Variants in CSTPP1 observed in about 807,000 individuals in gnomAD.
The protein encoded by CSTPP1 is centriolar satellite-associated tubulin polyglutamylase complex regulator 1.
chr11:46,975,800 T>G, the CSTPP1 span, among the ~76,000 whole-genome samples: 1 of 152,224 alleles, frequency 6.6e-6, no homozygotes, highest in Non-Finnish European at 1.5e-5. Flanking sequence ...TTCAACTTCT[T>G]AAGTTTTTAT....
chr11:47,138,474 G>C, the CSTPP1 span, among the ~76,000 whole-genome samples: 1 of 152,152 alleles, frequency 6.6e-6, no homozygotes, highest in East Asian at 1.9e-4. Context: ...GGGACTGGAA[G>C]GGCATAAAGG....
At chr11:46,991,035 A>T in the CSTPP1 span, among the ~76,000 whole-genome samples, 1 of 152,096 alleles carries the variant, frequency 6.6e-6, no homozygotes, top group Non-Finnish European at 1.5e-5. Context: ...TCATGAAAGG[A>T]TGTGCTAGAG....
the CSTPP1 span, among the ~76,000 whole-genome samples, chr11:47,144,341 A>G: frequency 3.3e-5 from 5 of 152,166 alleles, no homozygotes; most frequent in African/African-American, 9.6e-5. Flanking sequence ...GATGCCCGCC[A>G]CCACGCCTTG....
At chr11:47,164,384 A>T in the CSTPP1 span, 1 of 1,069,406 alleles carries the variant, frequency 9.4e-7, no homozygotes, top group Non-Finnish European at 1.3e-6. Flanking sequence ...TCCAGAAAGA[A>T]AGTCAAGTCC....
the CSTPP1 span, among the ~76,000 whole-genome samples, chr11:47,108,273 C>T: frequency 1.3e-5 from 2 of 152,254 alleles, no homozygotes; most frequent in African/African-American, 4.8e-5. Context: ...CAGGGAGGTA[C>T]ACCTTGGAGC....
At chr11:47,119,131 C>A in the CSTPP1 span, among the ~76,000 whole-genome samples, 2 of 152,364 alleles carry the variant, frequency 1.3e-5, no homozygotes, top group South Asian at 2.1e-4. Flanking sequence ...GCTTCCCAGC[C>A]GCTCTGTTTA....
the CSTPP1 span, among the ~76,000 whole-genome samples, chr11:46,989,676 C>A: frequency 6.6e-6 from 1 of 151,306 alleles, no homozygotes; most frequent in Non-Finnish European, 1.5e-5. Flanking sequence ...CATTAATATT[C>A]TTTTTCTTCC....
At chr11:47,099,158 T>C in the CSTPP1 span, among the ~76,000 whole-genome samples, 1 of 152,228 alleles carries the variant, frequency 6.6e-6, no homozygotes, top group Non-Finnish European at 1.5e-5. Context: ...ACAAATCTGC[T>C]TTGTAACTTT....
the CSTPP1 span, among the ~76,000 whole-genome samples, chr11:47,079,109 T>C: frequency 6.6e-6 from 1 of 152,170 alleles, no homozygotes; most frequent in Non-Finnish European, 1.5e-5. Context: ...GAAGGTTTTC[T>C]TGTGGGACAC....
At chr11:47,157,119 G>T in the CSTPP1 span, 5 of 1,614,076 alleles carry the variant, frequency 3.1e-6, no homozygotes, top group South Asian at 4.4e-5. Flanking sequence ...GGGCAGCACC[G>T]CCAACGACCT....
the CSTPP1 span, among the ~76,000 whole-genome samples, chr11:47,102,576 A>C: frequency 2.6e-5 from 4 of 152,118 alleles, no homozygotes; most frequent in African/African-American, 9.7e-5. Flanking sequence ...TTTCATGGGG[A>C]GTGGACAAAT....
At chr11:47,058,166 T>G in the CSTPP1 span, among the ~76,000 whole-genome samples, 1 of 152,014 alleles carries the variant, frequency 6.6e-6, no homozygotes, top group Non-Finnish European at 1.5e-5. Context: ...AAACCCTGTC[T>G]CTACAAAAAA....
chr11:47,066,623 G>C, the CSTPP1 span, among the ~76,000 whole-genome samples: 1 of 152,196 alleles, frequency 6.6e-6, no homozygotes, highest in Non-Finnish European at 1.5e-5. Context: ...TTATAAAGTA[G>C]ATGATAATCA....
chr11:46,969,014 A>C, the CSTPP1 span, among the ~76,000 whole-genome samples: 78 of 152,212 alleles, frequency 5.1e-4, no homozygotes, highest in African/African-American at 1.7e-3. Flanking sequence ...CACTGTTCTT[A>C]GGCCTCTAGA....
the CSTPP1 span, among the ~76,000 whole-genome samples, chr11:46,980,238 A>G: frequency 6.6e-6 from 1 of 152,180 alleles, no homozygotes; most frequent in African/African-American, 2.4e-5. Flanking sequence ...TTAGTTTTTC[A>G]TCCTCTACTT....
chr11:47,145,623 A>T, the CSTPP1 span, among the ~76,000 whole-genome samples: 1 of 152,082 alleles, frequency 6.6e-6, no homozygotes, highest in East Asian at 1.9e-4. Context: ...CCCAAAAAAA[A>T]TTATTTAAAA....
the CSTPP1 span, chr11:47,137,384 A>C: frequency 1.3e-6 from 2 of 1,488,314 alleles, no homozygotes; most frequent in Non-Finnish European, 1.8e-6. Context: ...TGCTCTCTTC[A>C]CCCGACCAAT....
chr11:46,954,707 A>G, the CSTPP1 span, among the ~76,000 whole-genome samples: 1 of 152,034 alleles, frequency 6.6e-6, no homozygotes, highest in African/African-American at 2.4e-5. Flanking sequence ...TAAAAATCAA[A>G]TGGGTCTATA....
the CSTPP1 span, among the ~76,000 whole-genome samples, chr11:47,077,196 GTT>G: frequency 1.8e-3 from 249 of 135,536 alleles, no homozygotes; most frequent in Middle Eastern, 0.015. Flanking sequence ...GGATAAAGTT[GTT>G]TTTTTTTTTT....
Sources: allele counts gnomAD v4.1 joint callset (sites outside exome capture counted in the v4.1 genomes callset), GRCh38; gene constraint gnomAD v4.1.1; transcripts MANE v1.5; gene names NCBI Gene and HGNC (gene_info 2026-07-23, HGNC 2026-07-21).